SPATA20: variants seen among roughly 807,000 people sequenced by gnomAD.
SPATA20 encodes the protein spermatogenesis associated 20.
Under a neutral mutation model 98.9 loss-of-function variants are expected in SPATA20, and 74 were observed. The observed-to-expected ratio is 0.75, with a 90% confidence interval of 0.62 to 0.91. SPATA20 has a LOEUF of 0.91. SPATA20 is among the 40% of genes least tolerant of loss of function. The pLI, the probability that SPATA20 is intolerant of heterozygous loss-of-function variation, is 0.00. For missense variants in SPATA20, 1,016 were observed against 1,069.8 expected (o/e 0.95, Z 0.70); for synonymous variants, 430 against 440.5 (o/e 0.98, Z 0.30).
At chr17:50,548,701 C>G in intron 4 of SPATA20, 83 bp downstream of exon 4, 1 of 1,587,166 alleles carries the variant, frequency 6.3e-7, no homozygotes, top group South Asian at 1.1e-5. Flanking sequence ...CCTGGCGGGT[C>G]TTCCAGGAGA....
Position 50,550,746 on chromosome 17 carries a change from C to G in SPATA20, c.1212C>G (p.Pro404=). 6.2e-7 allele frequency: 1 copy of G among 1,613,186 alleles called. No individual in the cohort carries two copies. The highest frequency in any genetic ancestry group is 8.5e-7 in the Non-Finnish European group (1 of 1,179,952). The part of the protein sequence containing the change: ...GFYSAEDADS[P]PERGQRPKEG... ...ATAGCGCAGAAGATGCAGACTCGCCCCCAGAGCGGGGCCAGCGGCCCAAAG... is the reference window on the plus strand; with the variant it reads ...ATAGCGCAGAAGATGCAGACTCGCCGCCAGAGCGGGGCCAGCGGCCCAAAG... Residue 404 remains proline, a synonymous_variant, in exon 11 of 17, where the codon CCC becomes CCG. Transcript: ENST00000006658.
chr17:50,549,943 C>A, intron 7 of SPATA20, 42 bp from the exon 8 acceptor site: 1 of 1,520,728 alleles, frequency 6.6e-7, no homozygotes, highest in Non-Finnish European at 8.8e-7. Context: ...TCTGTCCCCA[C>A]TTTCCCATTC....
rs372627097 is a variant in SPATA20 at position 50,551,578 on chromosome 17, C to T, written c.1644C>T (p.Ala548=). 6.2e-7 allele frequency: 1 copy of T among 1,607,676 alleles called. No homozygotes were observed. The highest frequency in any genetic ancestry group is 1.3e-5 in the African/African-American group (1 of 74,842). ...GCCAAGACAGGCTGATCAACTATGCCACCAATGGTGCCAAGTTCCTGAAGC... is the reference window on the plus strand; with the variant it reads ...GCCAAGACAGGCTGATCAACTATGCTACCAATGGTGCCAAGTTCCTGAAGC... The part of the protein sequence containing the change: ...VLGQDRLINY[A]TNGAKFLKRH... The change falls in exon 13 of 17, where the codon GCC becomes GCT. Residue 548 remains alanine (A), a synonymous_variant. Transcript: ENST00000006658.
chr17:50,555,677 T>A lies in SPATA20; in HGVS notation c.*15T>A. 6.2e-7 allele frequency: 1 copy of A among 1,606,220 alleles called. No individual in the cohort carries two copies. On this transcript the variant is annotated 3_prime_UTR_variant, in exon 17 of 17. Transcript: ENST00000006658. ...TACATCCATGACTGCCCCAACCCCC[T>A]TGGGGTGGGGCAGAAGGTGAAGCAT...
At chr17:50,550,350 C>A in intron 9 of SPATA20, 38 bp downstream of exon 9, 1 of 1,504,292 alleles carries the variant, frequency 6.6e-7, no homozygotes, top group Non-Finnish European at 9.1e-7. Flanking sequence ...AGGCATCTCA[C>A]TCTGGCTGCC....
intron 4 of SPATA20, 41 bp downstream of exon 4, chr17:50,548,659 G>T: frequency 6.2e-7 from 1 of 1,605,122 alleles, no homozygotes; most frequent in South Asian, 1.1e-5. Flanking sequence ...TGTGGGCAGG[G>T]AGTGGCAGTG....
At position 50,555,221 on chromosome 17, in the gene SPATA20, A is replaced by G. The variant is rs1177888241; in HGVS notation, c.2158-11A>G. On this transcript the variant is annotated splice_polypyrimidine_tract_variant and intron_variant, in intron 15 of 16. Transcript: ENST00000006658. ...CCTGACACACCGGAGTGACCTTTCTATTCCGGTCAGATCGTGATCTGTGGA... is the reference window on the plus strand; with the variant it reads ...CCTGACACACCGGAGTGACCTTTCTGTTCCGGTCAGATCGTGATCTGTGGA... 1.2e-6 allele frequency: 2 copies of G among 1,613,474 alleles called. No individual in the cohort carries two copies. The highest frequency in any genetic ancestry group is 4.5e-5 in the East Asian group (2 of 44,856).
At position 50,552,190 on chromosome 17, in the gene SPATA20, G is replaced by A. The variant is rs1400926430; in HGVS notation, c.1957+10G>A. 1.9e-6 allele frequency: 3 copies of A among 1,612,624 alleles called. No individual in the cohort carries two copies. The highest frequency in any genetic ancestry group is 1.7e-4 in the Middle Eastern group (1 of 6,054). On this transcript the variant is annotated intron_variant, in intron 14 of 16. Transcript: ENST00000006658. Reference sequence around the variant, plus strand: ...CTGCGTCTGAAGGACGGTCAGTGGGGGTGCAGGGCTAGTCTGGGGTCCTGG... The same window carrying A: ...CTGCGTCTGAAGGACGGTCAGTGGGAGTGCAGGGCTAGTCTGGGGTCCTGG...
chr17:50,551,620 G>A lies in SPATA20; in HGVS notation c.1686G>A (p.Val562=). ...AKFLKRHMFD[V]ASGRLMRTCY... ...TCCTGAAGCGGCACATGTTTGATGT[G>A]GCCAGTGGCCGCCTGATGCGGACCT... Residue 562 remains valine (V), a synonymous_variant, in exon 13 of 17, where the codon GTG becomes GTA. Transcript: ENST00000006658. The A allele has an allele frequency of 6.2e-7, 1 of 1,604,356 alleles. No individual in the cohort carries two copies. Among genetic ancestry groups the A allele is most frequent in the Non-Finnish European group, 8.5e-7 (1 of 1,172,322 alleles).
Position 50,552,132 on chromosome 17 carries a change from T to C in SPATA20, c.1909T>C (p.Cys637Arg), listed in dbSNP as rs1330312157. Residue 637 changes from cysteine (C) to arginine (R), a missense_variant, in exon 14 of 17, where the codon TGC becomes CGC. Cys to Arg is a radical substitution (Grantham distance 180). Coordinates refer to ENST00000006658, the MANE Select transcript of SPATA20 (RefSeq NM_022827.4). The stretch of plus-strand genomic sequence containing the variant: ...GGACTCCCAGGGTGGCGGCTACTTC[T>C]GCAGTGAGGCTGAGCTGGGGGCTGG... ...FWDSQGGGYF[C>R]SEAELGAGLP... The C allele has an allele frequency of 6.2e-7, 1 of 1,613,790 alleles. No individual in the cohort carries two copies.
At position 50,554,345 on chromosome 17, in the gene SPATA20, G is replaced by A; in HGVS notation, c.2052G>A (p.Lys684=). Reference sequence around the variant, plus strand: ...CGGGCCACAAGGACTGGATGGACAAGTGTGTGTGCCTATTGACCGCCTTTT... The same window carrying A: ...CGGGCCACAAGGACTGGATGGACAAATGTGTGTGCCTATTGACCGCCTTTT... ...GFTGHKDWMD[K]CVCLLTAFSE... is the part of the protein sequence containing the mutation. Residue 684 remains lysine, a synonymous_variant, in exon 15 of 17, where the codon AAG becomes AAA. Coordinates refer to ENST00000006658, the MANE Select transcript of SPATA20 (RefSeq NM_022827.4). 1 of 1,614,212 alleles carries A rather than the reference G, an allele frequency of 6.2e-7. No homozygotes were observed. Among genetic ancestry groups the A allele is most frequent in the East Asian group, 2.2e-5 (1 of 44,886 alleles).
chr17:50,549,920 G>C, intron 7 of SPATA20, 65 bp from the exon 8 acceptor site: 1 of 1,508,638 alleles, frequency 6.6e-7, no homozygotes, highest in Non-Finnish European at 8.9e-7. Context: ...AAGGCCTCCT[G>C]ACCACCCCGA....
rs773488984 is a variant in SPATA20, at chr17:50,555,557, C to T, written c.2304C>T (p.Thr768=). The T allele has an allele frequency of 1.9e-6, 3 of 1,613,934 alleles. No individual in the cohort carries two copies. The highest frequency in any genetic ancestry group is 2.7e-5 in the African/African-American group (2 of 74,884). The change falls in exon 17 of 17, where the codon ACC becomes ACT. Residue 768 remains threonine, a synonymous_variant. Transcript: ENST00000006658. ...CCCGCCAGCTGCCTTTCCTGAGTAC[C>T]CTCCGACGGTTGGAAGACCAGGCCA... The part of the protein sequence containing the change: ...FLSRQLPFLS[T]LRRLEDQATA...
chr17:50,547,434 A>G, intron 1 of SPATA20, 149 bp downstream of exon 1: 1 of 683,156 alleles, frequency 1.5e-6, no homozygotes, highest in Non-Finnish European at 2.4e-6. Context: ...TCTGCTCCTG[A>G]GACCTGGCTC....
chr17:50,547,398 T>C (rs2034930852), intron 1 of SPATA20, 113 bp downstream of exon 1: 1 of 945,434 alleles, frequency 1.1e-6, no homozygotes, highest in Non-Finnish European at 1.5e-6. Flanking sequence ...CCTGCATGCC[T>C]GGCCCTTCCC....
chr17:50,548,556 A>AC lies in SPATA20; in HGVS notation c.303dup (p.Trp102LeufsTer39). Reference sequence around the variant, plus strand: ...ATGCCCCACCCTGCTGGGTCTAGGTACCCCTGGGGACAGGAAGCCTTCGAC... The same window carrying AC: ...ATGCCCCACCCTGCTGGGTCTAGGTACCCCCTGGGGACAGGAAGCCTTCGAC... On this transcript the variant is annotated frameshift_variant, in exon 4 of 17. Transcript: ENST00000006658. LOFTEE classifies it high-confidence loss of function. 1 of 1,613,192 alleles carries AC rather than the reference A, an allele frequency of 6.2e-7. No individual in the cohort carries two copies. The highest frequency in any genetic ancestry group is 8.5e-7 in the Non-Finnish European group (1 of 1,179,712).
At chr17:50,549,570 A>C in intron 7 of SPATA20, 83 bp downstream of exon 7, 1 of 1,389,706 alleles carries the variant, frequency 7.2e-7, no homozygotes. Context: ...TCCTGGCCTC[A>C]CCCATAGCTT....
chr17:50,555,521 G>A lies in SPATA20; in HGVS notation c.2268G>A (p.Ser756=), dbSNP rs771901632. 27 of 1,613,934 alleles carry A rather than the reference G, an allele frequency of 1.7e-5. No homozygotes were observed. The highest frequency in any genetic ancestry group is 9.9e-5 in the South Asian group (9 of 91,068). Residue 756 remains serine, a synonymous_variant, in exon 17 of 17, where the codon TCG becomes TCA. Transcript: ENST00000006658. ...KVLILADGDP[S]SFLSRQLPFL... is the part of the protein sequence containing the mutation. ...TGATTCTGGCTGATGGGGACCCCTCGAGCTTCCTGTCCCGCCAGCTGCCTT... is the reference window on the plus strand; with the variant it reads ...TGATTCTGGCTGATGGGGACCCCTCAAGCTTCCTGTCCCGCCAGCTGCCTT...
In SPATA20 at chr17:50,552,179, C is replaced by G. The variant is rs368963636; in HGVS notation, c.1956C>G (p.Asp652Glu). Residue 652 changes from aspartate to glutamate, a missense_variant and splice_region_variant, in exon 14 of 17, where the codon GAC (aspartate) becomes GAG (glutamate). Asp to Glu is a conservative substitution (Grantham distance 45). Transcript: ENST00000006658. ...LGAGLPLRLKDDQDGAEPSAN... is the reference protein window; with the variant it reads ...LGAGLPLRLKEDQDGAEPSAN... Reference sequence around the variant, plus strand: ...CTGGCCTGCCCCTGCGTCTGAAGGACGGTCAGTGGGGGTGCAGGGCTAGTC... The same window carrying G: ...CTGGCCTGCCCCTGCGTCTGAAGGAGGGTCAGTGGGGGTGCAGGGCTAGTC... 1 of 1,613,298 alleles carries G rather than the reference C, an allele frequency of 6.2e-7. No individual in the cohort carries two copies. The highest frequency in any genetic ancestry group is 1.3e-5 in the African/African-American group (1 of 75,042).
Sources: gnomAD v4.1 joint callset for allele counts on GRCh38, gnomAD v4.1.1 for gene constraint, MANE v1.5 for transcripts, NCBI Gene and HGNC (gene_info 2026-07-23, HGNC 2026-07-21) for gene names.